PLEC: variants seen among roughly 807,000 people sequenced by gnomAD.
PLEC encodes the protein plectin.
In PLEC, 216 loss-of-function variants were observed where a neutral mutation model predicts 392.8. The ratio of observed to expected loss-of-function variants is 0.55; its 90% CI spans 0.49 to 0.62. PLEC has a LOEUF of 0.62. Ranked by LOEUF, PLEC falls within the 20% of genes least tolerant of loss-of-function variation. The pLI is 0.00. For synonymous variants in PLEC, 3,621 were observed against 2,980.6 expected, an observed-to-expected ratio of 1.21 and a Z score of -7.00; for missense variants, 6,863 against 6,563.4, an observed-to-expected ratio of 1.05 and a Z score of -1.58.
chr8:143,922,247 G>A lies in PLEC; in HGVS notation c.7574C>T (p.Ala2525Val), dbSNP rs1554689067. Residue 2525 changes from alanine (A) to valine (V), a missense_variant, in exon 32 of 32, where the codon GCC becomes GTC. Physicochemically the swap from Ala to Val is moderately conservative, Grantham distance 64. Coordinates refer to ENST00000345136, the MANE Select transcript of PLEC (RefSeq NM_201384.3). ...KLEQLFQDEV[A>V]KAQQLREEQQ... Reference sequence around the variant, plus strand: ...CTCCTCACGCAGCTGCTGTGCCTTGGCCACCTCGTCCTGGAAGAGCTGCTC... The same window carrying A: ...CTCCTCACGCAGCTGCTGTGCCTTGACCACCTCGTCCTGGAAGAGCTGCTC... 6.3e-7 allele frequency: 1 copy of A among 1,592,334 alleles called. No individual in the cohort carries two copies. The highest frequency in any genetic ancestry group is 8.5e-7 in the Non-Finnish European group (1 of 1,172,188).
upstream of PLEC, among the ~76,000 whole-genome samples, chr8:143,974,553 G>GC (rs547253574): frequency 2.5e-4 from 38 of 152,316 alleles, 2 homozygotes; most frequent in East Asian, 7.3e-3. The surrounding 1 kb of genome is among the most constrained non-coding windows in gnomAD (Gnocchi z 5.9). Flanking sequence ...TCAGCACCTG[G>GC]CCTTGCAGCC....
chr8:143,974,993 TGG>T (rs1833607658), upstream of PLEC, among the ~76,000 whole-genome samples: 1 of 152,202 alleles, frequency 6.6e-6, no homozygotes, highest in African/African-American at 2.4e-5. This position sits in a 1 kb window ranked among gnomAD's most constrained non-coding sequence, Gnocchi z 5.9. Context: ...ATGAACCGCC[TGG>T]GCGCGGCCGG....
intron 1 of PLEC, among the ~76,000 whole-genome samples, chr8:143,971,406 C>G (rs1003804107): frequency 2.0e-5 from 3 of 152,252 alleles, no homozygotes; most frequent in Admixed American, 1.3e-4. Context: ...TTGGGGCTGC[C>G]TTGCCGTCAC....
intron 28 of PLEC, 84 bp downstream of exon 28, chr8:143,927,168 G>A (rs1825510386): frequency 1.9e-6 from 3 of 1,565,984 alleles, no homozygotes; most frequent in South Asian, 2.2e-5. Context: ...GCTTTCCCTG[G>A]CATGGCCCAG....
chr8:143,925,378 C>T lies in PLEC; in HGVS notation c.4551G>A (p.Leu1517=). 1.3e-6 allele frequency: 2 copies of T among 1,572,060 alleles called. No individual in the cohort carries two copies. Among genetic ancestry groups the T allele is most frequent in the Non-Finnish European group, 1.7e-6 (2 of 1,166,444 alleles). Residue 1517 remains leucine, a synonymous_variant, in exon 31 of 32, where the codon CTG becomes CTA. Coordinates refer to ENST00000345136, the MANE Select transcript of PLEC (RefSeq NM_201384.3). Reference sequence around the variant, plus strand: ...CGGCCTCGGCCTTCACGCGCGAGGCCAGCTCCACCTCCGCCTGCCGCTTAC... The same window carrying T: ...CGGCCTCGGCCTTCACGCGCGAGGCTAGCTCCACCTCCGCCTGCCGCTTAC... ...SQRKRQAEVE[L]ASRVKAEAEA... is the part of the protein sequence containing the mutation.
At position 143,930,293 on chromosome 8, in the gene PLEC, A is replaced by C. The variant is rs1169853504; in HGVS notation, c.2463T>G (p.Thr821=). Reference sequence around the variant, plus strand: ...GCTGGCACTCGTCACCCTTGTGCACAGTCACCTGGGACGGGCAGAGTCGGT... The same window carrying C: ...GCTGGCACTCGTCACCCTTGTGCACCGTCACCTGGGACGGGCAGAGTCGGT... ...AVCDYKQVEV[T]VHKGDECQLV... The change falls in exon 21 of 32, where the codon ACT becomes ACG. Residue 821 remains threonine (T), a synonymous_variant. Coordinates refer to ENST00000345136, the MANE Select transcript of PLEC (RefSeq NM_201384.3). 1 of 1,602,706 alleles carries C rather than the reference A, an allele frequency of 6.2e-7. No homozygotes were observed. The highest frequency in any genetic ancestry group is 2.2e-5 in the East Asian group (1 of 44,732).
rs377615018 is a variant in PLEC at position 143,921,956 on chromosome 8, G to A, written c.7865C>T (p.Ala2622Val). The A allele has an allele frequency of 1.3e-6, 2 of 1,598,794 alleles. No individual in the cohort carries two copies. The highest frequency in any genetic ancestry group is 1.7e-6 in the Non-Finnish European group (2 of 1,179,788). Residue 2622 changes from alanine to valine, a missense_variant, in exon 32 of 32, where the codon GCC becomes GTC. Ala to Val is a moderately conservative substitution (Grantham distance 64). Coordinates refer to ENST00000345136, the MANE Select transcript of PLEC (RefSeq NM_201384.3). ...SEEVTASQVA[A>V]TKTLPNGRDA... ...CCGGCCATTGGGCAGGGTCTTTGTGGCAGCCACCTGCGAGGCAGTGACCTC... is the reference window on the plus strand; with the variant it reads ...CCGGCCATTGGGCAGGGTCTTTGTGACAGCCACCTGCGAGGCAGTGACCTC...
upstream of PLEC, among the ~76,000 whole-genome samples, chr8:143,952,331 G>A (rs1832276326): frequency 2.6e-5 from 4 of 152,308 alleles, no homozygotes; most frequent in South Asian, 8.3e-4. Flanking sequence ...CTGCGGCATG[G>A]CTCTCCCTCC....
chr8:143,939,050 C>A (rs966405764), intron 1 of PLEC, among the ~76,000 whole-genome samples: 1 of 152,180 alleles, frequency 6.6e-6, no homozygotes, highest in Non-Finnish European at 1.5e-5. Flanking sequence ...AGAGCCAGGG[C>A]CCGGGCCCGC....
chr8:143,934,031 C>T lies in PLEC; in HGVS notation c.1230G>A (p.Glu410=), dbSNP rs1828207267. The change falls in exon 12 of 32, where the codon GAG becomes GAA. Residue 410 remains glutamate, a synonymous_variant. Coordinates refer to ENST00000345136, the MANE Select transcript of PLEC (RefSeq NM_201384.3). ...KLQMEAGLCE[E]QLNQADALLQ... Reference sequence around the variant, plus strand: ...GCAGGGCGTCGGCCTGGTTCAGCTGCTCCTCACACAGCCCCGCCTCCATCT... The same window carrying T: ...GCAGGGCGTCGGCCTGGTTCAGCTGTTCCTCACACAGCCCCGCCTCCATCT... 1 of 1,611,340 alleles carries T rather than the reference C, an allele frequency of 6.2e-7. No individual in the cohort carries two copies. Among genetic ancestry groups the T allele is most frequent in the Non-Finnish European group, 8.5e-7 (1 of 1,179,442 alleles).
In PLEC at chr8:143,917,545, G is replaced by T. The variant is rs1210843699; in HGVS notation, c.12276C>A (p.Asp4092Glu). 6.2e-7 allele frequency: 1 copy of T among 1,613,962 alleles called. No individual in the cohort carries two copies. ...AGGTGAGGTTCTCCTCCGTGTTAGG[G>T]TCAAAGAAGCCCTTGGTGTCGTCCG... Reference protein sequence around the residue: ...DPSDDTKGFFDPNTEENLTYL... With the variant: ...DPSDDTKGFFEPNTEENLTYL... The change falls in exon 32 of 32, where the codon GAC becomes GAA. Residue 4092 changes from aspartate to glutamate, a missense_variant. By Grantham distance (45) the Asp-to-Glu change is conservative. Transcript: ENST00000345136.
At position 143,920,695 on chromosome 8, in the gene PLEC, A is replaced by G. The variant is rs1554682654; in HGVS notation, c.9126T>C (p.Asn3042=). ...ATGGCAGCAGGTCTTTCTTCAGGGCATTGTAGATACTCAGCTTCTGCCCCG... is the reference window on the plus strand; with the variant it reads ...ATGGCAGCAGGTCTTTCTTCAGGGCGTTGTAGATACTCAGCTTCTGCCCCG... ...EEAGQKLSIY[N]ALKKDLLPSD... The change falls in exon 32 of 32, where the codon AAT becomes AAC. Residue 3042 remains asparagine, a synonymous_variant. Coordinates refer to ENST00000345136, the MANE Select transcript of PLEC (RefSeq NM_201384.3). The G allele has an allele frequency of 1.2e-6, 2 of 1,602,654 alleles. No individual in the cohort carries two copies. The highest frequency in any genetic ancestry group is 2.7e-5 in the African/African-American group (2 of 74,898).
rs1829762953 is a variant in PLEC at position 143,938,746 on chromosome 8, T to G, written c.113-54A>C. The stretch of plus-strand genomic sequence containing the variant: ...GGCCTGGGAGAAGCCCCGGGGGCCC[T>G]CAGGTGACCACCGTGCAGACACAGC... On this transcript the variant is annotated intron_variant, in intron 1 of 31. Coordinates refer to ENST00000345136, the MANE Select transcript of PLEC (RefSeq NM_201384.3). 3 of 1,491,270 alleles carry G rather than the reference T, an allele frequency of 2.0e-6. No homozygotes were observed. The South Asian group carries it at 3.4e-5, about 17-fold the overall frequency. The allele number at this position is 1,491,270 out of a possible 1,614,324, so 92.4% of individuals were successfully genotyped here.
At position 143,922,328 on chromosome 8, in the gene PLEC, T is replaced by A; in HGVS notation, c.7493A>T (p.Glu2498Val). 1 of 1,607,084 alleles carries A rather than the reference T, an allele frequency of 6.2e-7. No individual in the cohort carries two copies. Among genetic ancestry groups the A allele is most frequent in the Non-Finnish European group, 8.5e-7 (1 of 1,179,956 alleles). Residue 2498 changes from glutamate to valine, a missense_variant, in exon 32 of 32, where the codon GAA (glutamate) becomes GTA (valine). Transcript: ENST00000345136. ...TQALQQSFLS[E>V]KDSLLQRERF... ...CTCCCGCTGTAGCAGGCTGTCCTTT[T>A]CAGAGAGGAAGCTTTGCTGCAGGGC... is the stretch of plus-strand genomic sequence containing the variant.
chr8:143,969,062 G>A lies in PLEC; in HGVS notation c.70+4341C>T, dbSNP rs993003714. Reference sequence around the variant, plus strand: ...ACCACACAAAAACGTGTATGCAAACGTCCATAGCAGCCTCACTCATAACAG... The same window carrying A: ...ACCACACAAAAACGTGTATGCAAACATCCATAGCAGCCTCACTCATAACAG... On this transcript the variant is annotated intron_variant, in intron 1 of 31. Transcript: ENST00000356346. The surrounding 1 kb of genome is among the most constrained non-coding windows in gnomAD (Gnocchi z 5.1). 1.3e-5 allele frequency among the ~76,000 whole-genome samples: 2 copies of A among 152,116 alleles called. No homozygotes were observed. Among genetic ancestry groups the A allele is most frequent in the Admixed American group, 1.3e-4 (2 of 15,264 alleles).
Position 143,925,335 on chromosome 8 carries a change from G to A in PLEC, c.4594C>T (p.Gln1532Ter). The A allele has an allele frequency of 1.3e-6, 2 of 1,554,882 alleles. No individual in the cohort carries two copies. Among genetic ancestry groups the A allele is most frequent in the Non-Finnish European group, 1.7e-6 (2 of 1,158,336 alleles). ...TCCTCCAGGGCCTGCAGGGCCCGCT[G>A]CTTCTCGCGCGCCGCCTCGGCCTCG... ...KAEAEAAREKQRALQALEELR... is the reference protein window; with the variant it reads ...KAEAEAAREK Residue 1532 changes from glutamine to a stop codon, truncating the protein, a stop_gained, in exon 31 of 32, where the codon CAG becomes TAG. Coordinates refer to ENST00000345136, the MANE Select transcript of PLEC (RefSeq NM_201384.3). LOFTEE classifies it high-confidence loss of function.
Position 143,935,286 on chromosome 8 carries a change from C to T in PLEC, c.630G>A (p.Val210=), listed in dbSNP as rs1554722218. Residue 210 remains valine (V), a synonymous_variant, in exon 7 of 32, where the codon GTG becomes GTA. Coordinates refer to ENST00000345136, the MANE Select transcript of PLEC (RefSeq NM_201384.3). ...GGTTCTCCAGGTTGGTCTGCCGGTA[C>T]ACCTTGTTCATGTCGATGAGCAGGG... ...HKPLLIDMNK[V]YRQTNLENLD... 5 of 1,608,514 alleles carry T rather than the reference C, an allele frequency of 3.1e-6. No individual in the cohort carries two copies. The Admixed American group carries it at 5.0e-5, about 16-fold the overall frequency.
chr8:143,919,150 C>A lies in PLEC; in HGVS notation c.10671G>T (p.Val3557=), dbSNP rs782571355. ...CCCTTCTTGTCTCCTCCTCAGTGTACACCTGCGTGGTCTCCACCACCTCAG... is the reference window on the plus strand; with the variant it reads ...CCCTTCTTGTCTCCTCCTCAGTGTAAACCTGCGTGGTCTCCACCACCTCAG... ...EKAEVVETTQ[V]YTEEETRRAF... Residue 3557 remains valine, a synonymous_variant, in exon 32 of 32, where the codon GTG becomes GTT. Transcript: ENST00000345136. 1.2e-6 allele frequency: 2 copies of A among 1,613,568 alleles called. No individual in the cohort carries two copies. The highest frequency in any genetic ancestry group is 2.7e-5 in the African/African-American group (2 of 75,060).
In PLEC at chr8:143,918,614, G is replaced by A. The variant is rs77146441; in HGVS notation, c.11207C>T (p.Pro3736Leu). The change falls in exon 32 of 32, where the codon CCG (proline) becomes CTG (leucine). Residue 3736 changes from proline (P) to leucine (L), a missense_variant. Coordinates refer to ENST00000345136, the MANE Select transcript of PLEC (RefSeq NM_201384.3). Reference protein sequence around the residue: ...AQAATGFLLDPVKGERLTVDE... With the variant: ...AQAATGFLLDLVKGERLTVDE... The stretch of plus-strand genomic sequence containing the variant: ...CACAGTCAGCCGCTCCCCCTTCACC[G>A]GGTCCAGCAGGAAGCCTGTGGCTGC... 3.4e-4 allele frequency: 547 copies of A among 1,612,702 alleles called. 1 individual carries two copies. Among genetic ancestry groups the A allele is most frequent in the South Asian group, 6.0e-4 (55 of 91,086 alleles).
Sources: gnomAD v4.1 joint callset for allele counts (sites outside exome capture counted in the v4.1 genomes callset) on GRCh38, gnomAD v4.1.1 for gene constraint, Gnocchi (gnomAD v3.1) non-coding constraint, MANE v1.5 for transcripts, NCBI Gene and HGNC (gene_info 2026-07-23, HGNC 2026-07-21) for gene names.